ASIC2: variants seen among roughly 807,000 people sequenced by gnomAD.
The protein encoded by ASIC2 is acid sensing ion channel subunit 2.
In ASIC2, 25 loss-of-function variants were observed where a neutral mutation model predicts 57.3. The observed-to-expected ratio is 0.44, with a 90% CI of 0.32 to 0.61. ASIC2 has a LOEUF of 0.61. ASIC2 is among the 20% of genes least tolerant of loss of function. The pLI is 0.06. For missense variants in ASIC2, 641 were observed against 738.1 expected (o/e 0.87, Z 1.52); for synonymous variants, 319 against 307.5 (o/e 1.04, Z -0.39).
At chr17:33,135,731 G>T (rs778224859) in intron 1 of ASIC2, among the ~76,000 whole-genome samples, 29 of 152,314 alleles carry the variant, frequency 1.9e-4, no homozygotes, top group South Asian at 1.2e-3. Context: ...GAGAGGCAAG[G>T]GGGGCTGGCA....
intron 1 of ASIC2, chr17:34,039,780 A>G (rs1908035390): frequency 6.2e-7 from 1 of 1,611,560 alleles, no homozygotes; most frequent in Middle Eastern, 1.7e-4. Context: ...AAGACTCACT[A>G]TTAAGTGGTC....
At chr17:33,574,395 T>G (rs1916552301) in intron 1 of ASIC2, among the ~76,000 whole-genome samples, 1 of 151,990 alleles carries the variant, frequency 6.6e-6, no homozygotes, top group Non-Finnish European at 1.5e-5. Context: ...GTTGTTGATC[T>G]TTTTCTTATT....
chr17:33,849,220 G>A (rs1913696579), intron 1 of ASIC2, among the ~76,000 whole-genome samples: 1 of 152,132 alleles, frequency 6.6e-6, no homozygotes, highest in Non-Finnish European at 1.5e-5. Flanking sequence ...GGAGCTTCTT[G>A]GTAAGAACTG....
At chr17:33,575,215 C>A (rs958277817) in intron 1 of ASIC2, among the ~76,000 whole-genome samples, 3 of 152,198 alleles carry the variant, frequency 2.0e-5, no homozygotes, top group Non-Finnish European at 4.4e-5. Flanking sequence ...CTCTGAATCT[C>A]CACTCCTTGT....
At chr17:34,132,537 T>C (rs1912015599) in intron 1 of ASIC2, among the ~76,000 whole-genome samples, 1 of 151,786 alleles carries the variant, frequency 6.6e-6, no homozygotes, top group African/African-American at 2.4e-5. Context: ...TTTAGGATCC[T>C]GCTGATTGGT....
chr17:34,124,809 G>A (rs556746891), intron 1 of ASIC2, among the ~76,000 whole-genome samples: 14 of 151,840 alleles, frequency 9.2e-5, no homozygotes, highest in African/African-American at 3.4e-4. Flanking sequence ...CCGTCATGGG[G>A]TCTCCACACT....
At chr17:33,113,458 G>T (rs569961892) in intron 1 of ASIC2, among the ~76,000 whole-genome samples, 1 of 152,214 alleles carries the variant, frequency 6.6e-6, no homozygotes, top group Admixed American at 6.5e-5. Context: ...CAGGCTGACT[G>T]TATTGGATTC....
chr17:33,123,768 T>C (rs1015066297), intron 1 of ASIC2, among the ~76,000 whole-genome samples: 2 of 152,236 alleles, frequency 1.3e-5, no homozygotes, highest in African/African-American at 4.8e-5. Flanking sequence ...GCTTTATGCC[T>C]GGATGAACAA....
intron 1 of ASIC2, among the ~76,000 whole-genome samples, chr17:33,591,234 A>G (rs889619233): frequency 8.5e-5 from 13 of 152,196 alleles, no homozygotes; most frequent in African/African-American, 3.1e-4. Flanking sequence ...AACACAGGAA[A>G]CTGTCTGACA....
At chr17:33,379,389 C>T (rs754427140) in intron 1 of ASIC2, among the ~76,000 whole-genome samples, 1 of 152,176 alleles carries the variant, frequency 6.6e-6, no homozygotes, top group African/African-American at 2.4e-5. Context: ...AAGTTATTTA[C>T]CCCTTTGTCA....
chr17:33,087,331 T>C (rs2092138159), intron 3 of ASIC2, among the ~76,000 whole-genome samples: 1 of 152,084 alleles, frequency 6.6e-6, no homozygotes, highest in African/African-American at 2.4e-5. Flanking sequence ...GGATATTCCC[T>C]TTTCTGCTTG....
intron 1 of ASIC2, among the ~76,000 whole-genome samples, chr17:33,175,493 G>GA (rs1261953833): frequency 6.7e-6 from 1 of 148,918 alleles, no homozygotes; most frequent in African/African-American, 2.5e-5. Context: ...GGACTAGAGA[G>GA]AAAAAAAGGA....
At chr17:33,872,911 G>A (rs1386961796) in intron 1 of ASIC2, among the ~76,000 whole-genome samples, 1 of 152,146 alleles carries the variant, frequency 6.6e-6, no homozygotes, top group Non-Finnish European at 1.5e-5. Flanking sequence ...TAGTAAAGGA[G>A]GGTTCCACAA....
rs79236952 is a variant in ASIC2 at position 33,638,890 on chromosome 17, A to G, written c.555+517088T>C. Among the ~76,000 whole-genome samples the G allele has an allele frequency of 3.3e-5, 5 of 152,070 alleles. No homozygotes were observed. In the East Asian group the frequency reaches 7.8e-4, roughly 24 times the overall value. Reference sequence around the variant, plus strand: ...TGGGCACTTCCCGGCTTCCTTGTCCATCAGTTGCAAAACCTTCAAGGCCTA... The same window carrying G: ...TGGGCACTTCCCGGCTTCCTTGTCCGTCAGTTGCAAAACCTTCAAGGCCTA... On this transcript the variant is annotated intron_variant, in intron 1 of 9. Coordinates refer to the ASIC2 transcript ENST00000359872.
chr17:33,310,540 A>G (rs933060231), intron 1 of ASIC2, among the ~76,000 whole-genome samples: 2 of 152,194 alleles, frequency 1.3e-5, no homozygotes, highest in Non-Finnish European at 2.9e-5. Flanking sequence ...TGTGGTGCTG[A>G]TCTGAGGGAA....
At chr17:33,199,959 G>A (rs72819140) in intron 1 of ASIC2, among the ~76,000 whole-genome samples, 4,933 of 152,132 alleles carry the variant, frequency 0.032, 109 homozygotes, top group Non-Finnish European at 0.051. Flanking sequence ...GAGCCTCACC[G>A]TGCCCCCTTG....
intron 1 of ASIC2, among the ~76,000 whole-genome samples, chr17:33,922,698 C>T (rs1277032139): frequency 6.6e-6 from 1 of 152,170 alleles, no homozygotes; most frequent in South Asian, 2.1e-4. Flanking sequence ...ACTAACCCCA[C>T]CCCATTTTCC....
chr17:33,623,267 TTTGTTTG>T (rs1247495869), intron 1 of ASIC2, among the ~76,000 whole-genome samples: 1 of 151,738 alleles, frequency 6.6e-6, no homozygotes, highest in Non-Finnish European at 1.5e-5. Flanking sequence ...TGTTTGTTTG[TTTGTTTG>T]TTTTTGAGAT....
At chr17:33,164,475 A>G (rs368913366) in intron 1 of ASIC2, among the ~76,000 whole-genome samples, 3 of 151,878 alleles carry the variant, frequency 2.0e-5, no homozygotes, top group Non-Finnish European at 4.4e-5. Context: ...CACTGACCCA[A>G]TTCCTCTTGG....
Sources: gnomAD v4.1 joint callset for allele counts (sites outside exome capture counted in the v4.1 genomes callset) on GRCh38, gnomAD v4.1.1 for gene constraint, MANE v1.5 for transcripts, NCBI Gene and HGNC (gene_info 2026-07-23, HGNC 2026-07-21) for gene names.